Variants in CHD1L observed in about 807,000 individuals in gnomAD.
CHD1L encodes the protein ATP-dependent chromatin remodeler CHD1L.
Under a neutral mutation model 115.9 loss-of-function variants are expected in CHD1L, and 118 were observed. The ratio of observed to expected loss-of-function variants is 1.02; its 90% CI spans 0.88 to 1.19. CHD1L has a LOEUF of 1.19. CHD1L is among the 50% of genes most tolerant of loss of function. The pLI, the probability that CHD1L is intolerant of heterozygous loss-of-function variation, is 0.00. For missense variants in CHD1L, 1,179 were observed against 1,065.3 expected, an observed-to-expected ratio of 1.11 and a Z score of -1.49; for synonymous variants, 411 against 387.1, an observed-to-expected ratio of 1.06 and a Z score of -0.72.
chr1:147,206,868 G>T, the CHD1L span, among the ~76,000 whole-genome samples: 1 of 151,484 alleles, frequency 6.6e-6, no homozygotes, highest in African/African-American at 2.4e-5. Context: ...CACCAACATG[G>T]CACATATATA....
chr1:147,292,092 G>A (rs781996468), intron 20 of CHD1L, among the ~76,000 whole-genome samples: 27 of 152,082 alleles, frequency 1.8e-4, no homozygotes, highest in Admixed American at 6.5e-4. Flanking sequence ...CCGGAGCACC[G>A]TCCAGATAGC....
chr1:147,201,365 C>T, the CHD1L span: 2 of 1,614,166 alleles, frequency 1.2e-6, no homozygotes, highest in Non-Finnish European at 1.7e-6. Context: ...ATAACAGCAT[C>T]AATGTCATCC....
chr1:147,175,452 G>A, the CHD1L span: 1 of 152,164 alleles, frequency 6.6e-6, no homozygotes, highest in Non-Finnish European at 1.5e-5. Context: ...CGTGTCAAGG[G>A]AGGGAAGTGA....
chr1:147,214,465 A>AAC, the CHD1L span, among the ~76,000 whole-genome samples: 2 of 86 alleles, frequency 0.023, no homozygotes, highest in Admixed American at 0.17. Flanking sequence ...AAAACAAAAA[A>AAC]CAAAAAAAAA....
At chr1:147,242,630 C>T (rs1665039418), upstream of CHD1L, 1 of 1,235,062 alleles carries the variant, frequency 8.1e-7, no homozygotes, top group Non-Finnish European at 1.0e-6. Context: ...CGCGCAGTCG[C>T]GCGCCCCCGC....
Position 147,260,228 on chromosome 1 carries a change from C to T in CHD1L, c.576+310C>T, listed in dbSNP as rs587621010. On this transcript the variant is annotated intron_variant, in intron 6 of 22. Coordinates refer to ENST00000369258, the MANE Select transcript of CHD1L (RefSeq NM_004284.6). Reference sequence around the variant, plus strand: ...GTGGTGTGCATTCTGTAGGTTTGGACAAATGTACAATACCATGATATCTAC... The same window carrying T: ...GTGGTGTGCATTCTGTAGGTTTGGATAAATGTACAATACCATGATATCTAC... 3.1e-5 allele frequency: 7 copies of T among 228,680 alleles called. No individual in the cohort carries two copies. In the East Asian group the frequency reaches 5.4e-4, roughly 18 times the overall value. The allele number at this position is 228,680 out of a possible 1,614,324, so 14.2% of individuals were successfully genotyped here. A position where few individuals can be genotyped will look rare whatever the true frequency, so the allele number is the denominator to read the frequency against.
chr1:147,257,267 T>C (rs1670450852), intron 5 of CHD1L, among the ~76,000 whole-genome samples: 1 of 152,204 alleles, frequency 6.6e-6, no homozygotes, highest in African/African-American at 2.4e-5. Flanking sequence ...AAATCTTTGT[T>C]TTCAAAGTAT....
the CHD1L span, chr1:147,215,980 T>C: frequency 6.7e-7 from 1 of 1,496,110 alleles, no homozygotes; most frequent in Non-Finnish European, 9.1e-7. Flanking sequence ...AACTTGAGGA[T>C]CATCTTCATG....
At position 147,268,855 on chromosome 1, in the gene CHD1L, G is replaced by A. The variant is rs782201630; in HGVS notation, c.1062G>A (p.Lys354=). 47 of 1,613,340 alleles carry A rather than the reference G, an allele frequency of 2.9e-5. No homozygotes were observed. Among genetic ancestry groups the A allele is most frequent in the Non-Finnish European group, 3.5e-5 (41 of 1,179,560 alleles). The change falls in exon 10 of 23, where the codon AAG becomes AAA. Residue 354 remains lysine, a synonymous_variant. Transcript: ENST00000369258. ...GTGGGAAGCTTCACCTGCTGGATAA[G>A]CTACTAGCATTCCTGTATTCTGGGT... ...EASGKLHLLD[K]LLAFLYSGGH... is the part of the protein sequence containing the mutation.
At chr1:147,186,600 C>A in the CHD1L span, 39 of 1,089,600 alleles carry the variant, frequency 3.6e-5, no homozygotes, top group Non-Finnish European at 4.3e-5. Flanking sequence ...ATTTATTAAG[C>A]ACCTACCACA....
intron 2 of CHD1L, among the ~76,000 whole-genome samples, 197 bp downstream of exon 2, chr1:147,252,932 C>A (rs182919067): frequency 6.6e-6 from 1 of 152,218 alleles, no homozygotes; most frequent in African/African-American, 2.4e-5. Context: ...AGTTCCCCTA[C>A]TGACTTTATT....
intron 21 of CHD1L, 36 bp from the exon 22 acceptor site, chr1:147,294,373 G>C: frequency 6.7e-7 from 1 of 1,484,602 alleles, no homozygotes; most frequent in Admixed American, 1.9e-5. Context: ...ATCAATTTTT[G>C]ATGAGTGAAG....
At chr1:147,197,087 A>G in the CHD1L span, among the ~76,000 whole-genome samples, 1 of 152,110 alleles carries the variant, frequency 6.6e-6, no homozygotes, top group Non-Finnish European at 1.5e-5. Context: ...CAAACTCTTG[A>G]TATTGCCTGT....
At position 147,242,793 on chromosome 1, in the gene CHD1L, G is replaced by A. The variant is rs2102196758; in HGVS notation, c.90G>A (p.Arg30=). ...CTGAGGGCCGAGCCGAGGCGGCGCG[G>A]GTGCAGGAGCAGGACTTACGGCAGT... ...LHTEGRAEAA[R]VQEQDLRQWG... is the part of the protein sequence containing the mutation. Residue 30 remains arginine, a synonymous_variant, in exon 1 of 23, where the codon CGG becomes CGA. Coordinates refer to ENST00000369258, the MANE Select transcript of CHD1L (RefSeq NM_004284.6). 7.8e-7 allele frequency: 1 copy of A among 1,274,688 alleles called. No homozygotes were observed. Among genetic ancestry groups the A allele is most frequent in the Non-Finnish European group, 1.0e-6 (1 of 1,003,260 alleles). The allele number at this position is 1,274,688 out of a possible 1,614,324, so 79.0% of individuals were successfully genotyped here.
the CHD1L span, among the ~76,000 whole-genome samples, chr1:147,224,735 C>A: frequency 6.6e-6 from 1 of 152,072 alleles, no homozygotes; most frequent in Non-Finnish European, 1.5e-5. Flanking sequence ...TGGTCTCGAT[C>A]GCCTGACCTC....
chr1:147,192,027 GT>G, the CHD1L span, among the ~76,000 whole-genome samples: 1 of 152,068 alleles, frequency 6.6e-6, no homozygotes, highest in Non-Finnish European at 1.5e-5. Context: ...CTTTAAAATA[GT>G]TTTTTCCAAT....
At chr1:147,201,359 C>T in the CHD1L span, 8 of 1,614,032 alleles carry the variant, frequency 5.0e-6, no homozygotes, top group Non-Finnish European at 5.9e-6. Flanking sequence ...GCAAAGATAA[C>T]AGCATCAATG....
chr1:147,195,321 C>T, the CHD1L span, among the ~76,000 whole-genome samples: 12 of 152,078 alleles, frequency 7.9e-5, no homozygotes, highest in South Asian at 4.1e-4. Flanking sequence ...TTAGTAGAGA[C>T]GAGGTTTCAC....
the CHD1L span, among the ~76,000 whole-genome samples, chr1:147,228,961 C>T: frequency 1.3e-5 from 2 of 152,052 alleles, no homozygotes; most frequent in Non-Finnish European, 2.9e-5. Flanking sequence ...CGGTAGGTTG[C>T]CTGTTCACTC....
Sources: gnomAD v4.1 joint callset for allele counts (sites outside exome capture counted in the v4.1 genomes callset) on GRCh38, gnomAD v4.1.1 for gene constraint, MANE v1.5 for transcripts, NCBI Gene and HGNC (gene_info 2026-07-23, HGNC 2026-07-21) for gene names.